The following FMN2 variants were observed in gnomAD, a reference collection of about 807,000 sequenced individuals.
FMN2 encodes the protein formin-2.
FMN2 carries 51 observed loss-of-function variants against 142.3 expected under a neutral mutation model. That is an observed-to-expected ratio of 0.36 (90% CI 0.29 to 0.45). FMN2 has a LOEUF of 0.45. Ranked by LOEUF, FMN2 falls within the 20% of genes least tolerant of loss-of-function variation. The probability of loss-of-function intolerance (pLI) is 1.00; values close to 1 mark genes in which losing one functional copy is unlikely to be tolerated. For synonymous variants in FMN2, 882 were observed against 869.8 expected (o/e 1.01, Z -0.25); for missense variants, 1,936 against 2,122.8 (o/e 0.91, Z 1.73).
intron 13 of FMN2, among the ~76,000 whole-genome samples, chr1:240,350,268 T>G (rs1486791224): frequency 6.6e-6 from 1 of 152,220 alleles, no homozygotes; most frequent in African/African-American, 2.4e-5. Context: ...GTACAGGTTT[T>G]ATATCACACT....
intron 6 of FMN2, among the ~76,000 whole-genome samples, chr1:240,220,390 G>C (rs191767725): frequency 6.6e-6 from 1 of 152,260 alleles, no homozygotes; most frequent in East Asian, 1.9e-4. Flanking sequence ...TTTGGTCTGG[G>C]AGAGGCAGGA....
In FMN2 at chr1:240,427,695, T is replaced by C. The variant is rs1013937188; in HGVS notation, c.4911-10366T>C. Among the ~76,000 whole-genome samples the C allele has an allele frequency of 1.6e-4, 24 of 152,378 alleles. No homozygotes were observed. In the East Asian group the frequency reaches 4.6e-3, roughly 29 times the overall value. ...AGTTTCTCTACAGTATGGATTTTCC[T>C]GATTCTATCTCAGTGTTGTAGTTTC... On this transcript the variant is annotated intron_variant, in intron 15 of 17. Transcript: ENST00000319653.
At position 240,093,633 on chromosome 1, in the gene FMN2, G is replaced by A. The variant is rs1393705478; in HGVS notation, c.1524G>A (p.Ala508=). ...GSAHLLERGV[A]SDSGGGVSPA... ...CGCACCTGCTGGAGCGCGGGGTGGC[G>A]AGTGACAGCGGCGGTGGGGTGTCCC... Residue 508 remains alanine, a synonymous_variant, in exon 1 of 18, where the codon GCG becomes GCA. Transcript: ENST00000319653. 7.0e-7 allele frequency: 1 copy of A among 1,422,390 alleles called. No homozygotes were observed. Among genetic ancestry groups the A allele is most frequent in the South Asian group, 1.6e-5 (1 of 62,790 alleles). The allele number at this position is 1,422,390 out of a possible 1,614,324, so 88.1% of individuals were successfully genotyped here. A position where few individuals can be genotyped will look rare whatever the true frequency, so the allele number is the denominator to read the frequency against.
At chr1:240,305,237 A>G (rs946742401) in intron 8 of FMN2, among the ~76,000 whole-genome samples, 4 of 152,150 alleles carry the variant, frequency 2.6e-5, no homozygotes, top group African/African-American at 9.7e-5. Context: ...ATAATTTTGT[A>G]TCTTGGACAA....
intron 7 of FMN2, among the ~76,000 whole-genome samples, chr1:240,287,882 A>T (rs896785062): frequency 3.0e-4 from 45 of 152,168 alleles, no homozygotes; most frequent in Admixed American, 2.9e-3. Flanking sequence ...GGTTATGCAG[A>T]TAATAAGTTG....
chr1:240,378,632 A>G (rs1572247780), intron 14 of FMN2, among the ~76,000 whole-genome samples: 1 of 152,170 alleles, frequency 6.6e-6, no homozygotes, highest in African/African-American at 2.4e-5. Context: ...CAGTTCATCA[A>G]TATTCTGCTC....
At chr1:240,096,869 T>G (rs899465369) in intron 1 of FMN2, among the ~76,000 whole-genome samples, 3 of 152,238 alleles carry the variant, frequency 2.0e-5, no homozygotes, top group Non-Finnish European at 2.9e-5. Context: ...GACCAAACTT[T>G]ATCTTGTTTT....
chr1:240,371,316 T>C (rs1672857336), intron 14 of FMN2, among the ~76,000 whole-genome samples: 1 of 152,254 alleles, frequency 6.6e-6, no homozygotes. Flanking sequence ...AATACAAAAT[T>C]AATTGCATAT....
chr1:240,313,703 C>T (rs1468632118), intron 8 of FMN2, among the ~76,000 whole-genome samples: 1 of 152,130 alleles, frequency 6.6e-6, no homozygotes, highest in Non-Finnish European at 1.5e-5. Context: ...CACGGTGGCT[C>T]ATACCTGTAA....
intron 13 of FMN2, among the ~76,000 whole-genome samples, chr1:240,350,021 T>C (rs1349698763): frequency 6.6e-6 from 1 of 152,160 alleles, no homozygotes; most frequent in Admixed American, 6.5e-5. Context: ...CAAGATGATA[T>C]GTTGTGCAAC....
intron 15 of FMN2, among the ~76,000 whole-genome samples, chr1:240,413,474 C>T (rs1674482336): frequency 6.6e-6 from 1 of 152,156 alleles, no homozygotes; most frequent in South Asian, 2.1e-4. Context: ...TGTAGCTCAG[C>T]TTCTGCATCT....
chr1:240,210,756 GA>G (rs1666658531), intron 5 of FMN2, among the ~76,000 whole-genome samples: 2 of 152,200 alleles, frequency 1.3e-5, no homozygotes, highest in South Asian at 2.1e-4. Flanking sequence ...GTCAAGTTGG[GA>G]TTTTGAGAGA....
intron 6 of FMN2, among the ~76,000 whole-genome samples, chr1:240,214,517 C>T (rs1198118645): frequency 2.0e-5 from 3 of 148,130 alleles, no homozygotes; most frequent in South Asian, 2.2e-4. Flanking sequence ...CACCACTGCA[C>T]TCCAGCCTGG....
intron 2 of FMN2, among the ~76,000 whole-genome samples, chr1:240,126,645 G>A (rs1246294244): frequency 6.6e-6 from 1 of 152,144 alleles, no homozygotes; most frequent in African/African-American, 2.4e-5. Context: ...ATATGATTAA[G>A]ATGTCAAGAA....
At chr1:240,437,720 A>G (rs1161341658) in intron 15 of FMN2, among the ~76,000 whole-genome samples, 4 of 152,206 alleles carry the variant, frequency 2.6e-5, no homozygotes, top group African/African-American at 9.6e-5. Flanking sequence ...TCATTTGTTT[A>G]GGGTTTAGAA....
chr1:240,294,047 G>A (rs1213934957), intron 7 of FMN2, among the ~76,000 whole-genome samples: 3 of 152,056 alleles, frequency 2.0e-5, no homozygotes, highest in South Asian at 4.1e-4. Flanking sequence ...TGGCTACTTG[G>A]CACAAATTCT....
intron 16 of FMN2, among the ~76,000 whole-genome samples, chr1:240,453,297 C>A (rs375189649): frequency 5.3e-5 from 8 of 152,164 alleles, no homozygotes; most frequent in Admixed American, 4.6e-4. Flanking sequence ...CTACCAGCCA[C>A]CCTTCCTTAG....
intron 3 of FMN2, among the ~76,000 whole-genome samples, chr1:240,184,974 C>CTTCCCCTTCTCTTTCTCCCTCCTACACCT: frequency 6.8e-6 from 1 of 146,594 alleles, no homozygotes; most frequent in African/African-American, 2.5e-5. Context: ...CCTCCTATAC[C>CTTCCCCTTCTCTTTCTCCCTCCTACACCT]TTCCCCTTCT....
intron 7 of FMN2, among the ~76,000 whole-genome samples, chr1:240,267,132 C>G (rs865897159): frequency 6.6e-6 from 1 of 151,912 alleles, no homozygotes; most frequent in Non-Finnish European, 1.5e-5. Context: ...CTGCACAGCA[C>G]GAGAAACTCT....
Sources: gnomAD v4.1 joint callset for allele counts (sites outside exome capture counted in the v4.1 genomes callset) on GRCh38, gnomAD v4.1.1 for gene constraint, MANE v1.5 for transcripts, NCBI Gene and HGNC (gene_info 2026-07-23, HGNC 2026-07-21) for gene names.